The following ANKRD12 variants were observed in gnomAD, a reference collection of about 807,000 sequenced individuals.
ANKRD12 encodes the protein ankyrin repeat domain-containing protein 12.
A neutral mutation model predicts 183.4 loss-of-function variants in ANKRD12; 85 were observed. That is an observed-to-expected ratio of 0.46 (90% CI 0.39 to 0.56). The LOEUF is 0.56. ANKRD12 is among the 20% of genes least tolerant of loss of function. The pLI is 0.00. For synonymous variants in ANKRD12, 914 were observed against 800.2 expected, an observed-to-expected ratio of 1.14 and a Z score of -2.40; for missense variants, 2,405 against 2,357.1, an observed-to-expected ratio of 1.02 and a Z score of -0.42.
At chr18:9,210,888 A>G (rs2035765981) in intron 5 of ANKRD12, among the ~76,000 whole-genome samples, 1 of 151,742 alleles carries the variant, frequency 6.6e-6, no homozygotes, top group Non-Finnish European at 1.5e-5. Flanking sequence ...ATAGTTGTAA[A>G]TTTTCAGAAT....
intron 1 of ANKRD12, among the ~76,000 whole-genome samples, chr18:9,174,080 C>T (rs1392410589): frequency 2.6e-5 from 4 of 152,182 alleles, no homozygotes; most frequent in East Asian, 1.9e-4. Context: ...GCAGTCTGGC[C>T]ACGATCTGGC....
In ANKRD12 at chr18:9,280,902, A is replaced by C. The variant is rs766429963; in HGVS notation, c.6004-39A>C. On this transcript the variant is annotated intron_variant, in intron 12 of 12. Coordinates refer to ENST00000262126, the MANE Select transcript of ANKRD12 (RefSeq NM_015208.5). Reference sequence around the variant, plus strand: ...ATTAATTTTTAAACAAAGCAAAGTTAACAGAATAATCAAGTAACTCTTCTC... The same window carrying C: ...ATTAATTTTTAAACAAAGCAAAGTTCACAGAATAATCAAGTAACTCTTCTC... 5 of 1,580,750 alleles carry C rather than the reference A, an allele frequency of 3.2e-6. No homozygotes were observed. In the Admixed American group the frequency reaches 5.9e-5, roughly 19 times the overall value.
intron 3 of ANKRD12, among the ~76,000 whole-genome samples, chr18:9,198,839 C>CCTGG (rs1219793973): frequency 6.6e-6 from 1 of 152,100 alleles, no homozygotes; most frequent in East Asian, 1.9e-4. Context: ...AGCCAACATG[C>CCTGG]CTGGCCTCTA....
At chr18:9,188,387 C>T (rs982042041) in intron 2 of ANKRD12, among the ~76,000 whole-genome samples, 10 of 152,148 alleles carry the variant, frequency 6.6e-5, no homozygotes, top group African/African-American at 1.9e-4. Flanking sequence ...CTCTGTCTTT[C>T]GAGGCTGTTT....
At chr18:9,156,145 A>AAAG (rs1172808287) in intron 1 of ANKRD12, among the ~76,000 whole-genome samples, 1 of 150,942 alleles carries the variant, frequency 6.6e-6, no homozygotes, top group Non-Finnish European at 1.5e-5. Context: ...CTCAAAAAAA[A>AAAG]AAAAAAAAAA....
intron 6 of ANKRD12, among the ~76,000 whole-genome samples, chr18:9,215,873 A>G (rs1228832258): frequency 6.6e-6 from 1 of 152,110 alleles, no homozygotes; most frequent in African/African-American, 2.4e-5. Context: ...GCTAGTAGAT[A>G]CCACATCAGA....
intron 10 of ANKRD12, among the ~76,000 whole-genome samples, chr18:9,272,009 A>G (rs780714412): frequency 7.2e-5 from 11 of 152,324 alleles, no homozygotes; most frequent in Admixed American, 1.3e-4. Context: ...AACAAAGTTT[A>G]CAGCCAGAAT....
intron 7 of ANKRD12, 54 bp downstream of exon 7, chr18:9,216,954 C>T (rs1046051488): frequency 2.3e-5 from 35 of 1,533,196 alleles, no homozygotes; most frequent in Admixed American, 5.5e-5. Flanking sequence ...ATAAATTCAA[C>T]CCAAAGTAAT....
At chr18:9,221,029 T>C (rs368819864) in intron 7 of ANKRD12, among the ~76,000 whole-genome samples, 13 of 152,294 alleles carry the variant, frequency 8.5e-5, no homozygotes, top group South Asian at 6.2e-4. Flanking sequence ...TAGGACGATA[T>C]AGGTTTCAGC....
chr18:9,221,812 C>T (rs2036436548), intron 7 of ANKRD12, 40 bp from the exon 8 acceptor site: 2 of 1,605,604 alleles, frequency 1.2e-6, no homozygotes, highest in Admixed American at 1.7e-5. Flanking sequence ...TGATAACAAT[C>T]TGTGAAGGGA....
intron 1 of ANKRD12, 83 bp from the exon 2 acceptor site, chr18:9,182,299 G>A (rs1209595313): frequency 5.2e-6 from 2 of 384,916 alleles, no homozygotes; most frequent in Non-Finnish European, 4.6e-6. Context: ...TATGAAAACA[G>A]AGAGAAAACA....
chr18:9,197,587 G>A (rs139974753), intron 3 of ANKRD12, among the ~76,000 whole-genome samples: 47 of 151,862 alleles, frequency 3.1e-4, no homozygotes, highest in African/African-American at 1.0e-3. Context: ...TGTGTGTTAC[G>A]TTATTTTTTT....
intron 8 of ANKRD12, among the ~76,000 whole-genome samples, chr18:9,252,534 A>G (rs2038358257): frequency 6.6e-6 from 1 of 152,254 alleles, no homozygotes; most frequent in Non-Finnish European, 1.5e-5. Context: ...CTTTTAAAAA[A>G]GTAGGCATCT....
chr18:9,215,005 A>G (rs2036013725), intron 6 of ANKRD12, among the ~76,000 whole-genome samples: 1 of 152,154 alleles, frequency 6.6e-6, no homozygotes, highest in Admixed American at 6.6e-5. Context: ...AGGATGGTTT[A>G]ATAATTTTAG....
intron 1 of ANKRD12, among the ~76,000 whole-genome samples, chr18:9,144,910 A>G (rs994088420): frequency 6.6e-6 from 1 of 152,138 alleles, no homozygotes; most frequent in African/African-American, 2.4e-5. Flanking sequence ...TATGTAATAA[A>G]TATGTATACA....
chr18:9,145,947 G>T (rs2078479222), intron 1 of ANKRD12, among the ~76,000 whole-genome samples: 1 of 152,168 alleles, frequency 6.6e-6, no homozygotes, highest in African/African-American at 2.4e-5. Flanking sequence ...AAACCAAGAT[G>T]CATAATTAGG....
intron 6 of ANKRD12, among the ~76,000 whole-genome samples, chr18:9,213,920 C>A (rs2035945867): frequency 6.6e-6 from 1 of 151,720 alleles, no homozygotes; most frequent in Non-Finnish European, 1.5e-5. Flanking sequence ...CTTTAAAATT[C>A]TTTTTCATAG....
At chr18:9,265,540 C>T (rs888729037) in intron 10 of ANKRD12, among the ~76,000 whole-genome samples, 2 of 152,164 alleles carry the variant, frequency 1.3e-5, no homozygotes, top group Non-Finnish European at 2.9e-5. Context: ...CCAGCAAACT[C>T]CAACAGACCT....
At chr18:9,159,998 G>T (rs112575872) in intron 1 of ANKRD12, among the ~76,000 whole-genome samples, 1 of 151,838 alleles carries the variant, frequency 6.6e-6, no homozygotes, top group African/African-American at 2.4e-5. Flanking sequence ...ACTCTTGCCC[G>T]GTGGCTCATG....
Sources: gnomAD v4.1 joint callset for allele counts (sites outside exome capture counted in the v4.1 genomes callset) on GRCh38, gnomAD v4.1.1 for gene constraint, MANE v1.5 for transcripts, NCBI Gene and HGNC (gene_info 2026-07-23, HGNC 2026-07-21) for gene names.